CCN6: variants seen among roughly 807,000 people sequenced by gnomAD.
The protein encoded by CCN6 is CCN family member 6.
In CCN6, 31 loss-of-function variants were observed where a neutral mutation model predicts 37.4. The observed-to-expected ratio is 0.83, with a 90% CI of 0.62 to 1.12. The LOEUF (loss-of-function observed/expected upper bound fraction) is 1.12. Ranked by LOEUF, CCN6 falls within the 50% of genes most tolerant of loss-of-function variation. The probability of loss-of-function intolerance (pLI) is 0.00; values close to 1 mark genes in which losing one functional copy is unlikely to be tolerated. For synonymous variants in CCN6, 137 were observed against 142.1 expected, an observed-to-expected ratio of 0.96 and a Z score of 0.26; for missense variants, 369 against 413.8, an observed-to-expected ratio of 0.89 and a Z score of 0.94.
intron 1 of CCN6, among the ~76,000 whole-genome samples, chr6:112,059,001 G>A (rs1425729555): frequency 6.6e-6 from 1 of 152,230 alleles, no homozygotes; most frequent in Non-Finnish European, 1.5e-5. Flanking sequence ...CTAATAAGTT[G>A]TAAGCTTAAG....
Position 112,069,456 on chromosome 6 carries a change from G to A in CCN6, c.901G>A (p.Asp301Asn). ...ACCCACTTTTTGTGGAATATGCTTGGATAAGAGATGCTGTATCCCTAATAA... is the reference window on the plus strand; with the variant it reads ...ACCCACTTTTTGTGGAATATGCTTGAATAAGAGATGCTGTATCCCTAATAA... ...YKPTFCGICL[D>N]KRCCIPNKSK... The change falls in exon 5 of 5, where the codon GAT becomes AAT. Residue 301 changes from aspartate to asparagine, a missense_variant. Transcript: ENST00000368666. 2 of 1,613,716 alleles carry A rather than the reference G, an allele frequency of 1.2e-6. No homozygotes were observed. Among genetic ancestry groups the A allele is most frequent in the Non-Finnish European group, 1.7e-6 (2 of 1,179,862 alleles).
intron 2 of CCN6, 131 bp from the exon 3 acceptor site, chr6:112,064,624 A>C: frequency 7.0e-7 from 1 of 1,424,260 alleles, no homozygotes; most frequent in East Asian, 2.3e-5. Flanking sequence ...GGAGGTTCCA[A>C]ATGGAACCTA....
At chr6:112,053,132 C>G (rs587659581), upstream of CCN6, among the ~76,000 whole-genome samples, 318 of 152,112 alleles carry the variant, frequency 2.1e-3, 2 homozygotes, top group African/African-American at 7.5e-3. Flanking sequence ...AGGGACAAAG[C>G]ACCACGGCAG....
chr6:112,068,442 C>A (rs1554314551), intron 4 of CCN6, 44 bp downstream of exon 4: 1 of 1,526,306 alleles, frequency 6.6e-7, no homozygotes, highest in Non-Finnish European at 8.9e-7. Flanking sequence ...TTAAGAGATT[C>A]CTGAAAAGTA....
intron 1 of CCN6, among the ~76,000 whole-genome samples, chr6:112,055,498 T>C (rs1776320997): frequency 6.6e-6 from 1 of 152,258 alleles, no homozygotes; most frequent in African/African-American, 2.4e-5. Context: ...TTTGCTTTTA[T>C]GAATTCATAA....
chr6:112,059,885 G>T lies in CCN6; in HGVS notation c.49-1106G>T, dbSNP rs1288379837. 2.5e-6 allele frequency: 3 copies of T among 1,208,164 alleles called. No homozygotes were observed. The Admixed American group carries it at 7.7e-5, about 31-fold the overall frequency. The allele number at this position is 1,208,164 out of a possible 1,614,324, so 74.8% of individuals were successfully genotyped here. On this transcript the variant is annotated intron_variant, in intron 1 of 4. Coordinates refer to ENST00000368666, the MANE Select transcript of CCN6 (RefSeq NM_198239.2). ...AGAAAGTAAACAACTGAAATGTGTA[G>T]GTAATAAGAAAGGTGGTAAACTCTA...
intron 2 of CCN6, among the ~76,000 whole-genome samples, chr6:112,064,363 C>T (rs1472602194): frequency 6.6e-6 from 1 of 152,174 alleles, no homozygotes; most frequent in East Asian, 1.9e-4. Flanking sequence ...AGTTAACTAA[C>T]GTATAGTTTC....
upstream of CCN6, among the ~76,000 whole-genome samples, chr6:112,053,860 G>A (rs1776267979): frequency 8.2e-6 from 1 of 121,758 alleles, no homozygotes; most frequent in South Asian, 2.9e-4. Flanking sequence ...GATGGGTGCT[G>A]TTGGTGGGGG....
At chr6:112,056,809 A>C (rs1776362076) in intron 1 of CCN6, among the ~76,000 whole-genome samples, 1 of 151,924 alleles carries the variant, frequency 6.6e-6, no homozygotes, top group South Asian at 2.1e-4. Context: ...TTTCAGCTTC[A>C]TTTTTGAAAG....
chr6:112,059,743 G>T (rs1554312399), intron 1 of CCN6, among the ~76,000 whole-genome samples: 3 of 152,324 alleles, frequency 2.0e-5, no homozygotes, highest in African/African-American at 7.2e-5. Context: ...GCACGCTGTT[G>T]CTATGAAGTT....
In CCN6 at chr6:112,069,560, T is replaced by C; in HGVS notation, c.1005T>C (p.Cys335=). 1 of 1,613,724 alleles carries C rather than the reference T, an allele frequency of 6.2e-7. No homozygotes were observed. The highest frequency in any genetic ancestry group is 8.5e-7 in the Non-Finnish European group (1 of 1,179,816). Reference sequence around the variant, plus strand: ...GGAAGATGCTGTGGATTACATCTTGTGTGTGTCAGAGAAACTGCAGAGAAC... The same window carrying C: ...GGAAGATGCTGTGGATTACATCTTGCGTGTGTCAGAGAAACTGCAGAGAAC... The part of the protein sequence containing the change: ...FKWKMLWITS[C]VCQRNCREPG... Residue 335 remains cysteine, a synonymous_variant, in exon 5 of 5, where the codon TGT becomes TGC. Coordinates refer to ENST00000368666, the MANE Select transcript of CCN6 (RefSeq NM_198239.2).
chr6:112,064,615 G>A, intron 2 of CCN6, 140 bp from the exon 3 acceptor site: 1 of 1,296,808 alleles, frequency 7.7e-7, no homozygotes, highest in Non-Finnish European at 1.1e-6. Context: ...TCCTGTGAAG[G>A]AGGTTCCAAA....
At chr6:112,062,936 T>C (rs1776570014) in intron 2 of CCN6, among the ~76,000 whole-genome samples, 1 of 152,220 alleles carries the variant, frequency 6.6e-6, no homozygotes, top group African/African-American at 2.4e-5. Context: ...ATCATTGATA[T>C]TTGATGGATT....
rs115897919 is a variant in CCN6 at position 112,066,528 on chromosome 6, G to C, written c.589+1531G>C. Among the ~76,000 whole-genome samples, 968 of 152,238 alleles carry C rather than the reference G, an allele frequency of 6.4e-3. 10 individuals are homozygous for C. The highest frequency in any genetic ancestry group is 0.022 in the African/African-American group (913 of 41,544). Reference sequence around the variant, plus strand: ...GTTAGTGTTTTGTCAGGTAAAACAAGAAAATCTCCTGAAGTGTTCTCTGGT... The same window carrying C: ...GTTAGTGTTTTGTCAGGTAAAACAACAAAATCTCCTGAAGTGTTCTCTGGT... On this transcript the variant is annotated intron_variant, in intron 3 of 4. Transcript: ENST00000368666.
At chr6:112,063,533 A>T (rs1422353653) in intron 2 of CCN6, among the ~76,000 whole-genome samples, 1 of 152,226 alleles carries the variant, frequency 6.6e-6, no homozygotes, top group Non-Finnish European at 1.5e-5. Context: ...TCTAAAAAAA[A>T]TCACATTAAT....
chr6:112,065,588 G>GCACA (rs66974002), intron 3 of CCN6, among the ~76,000 whole-genome samples: 6 of 107,630 alleles, frequency 5.6e-5, no homozygotes, highest in African/African-American at 2.1e-4. Flanking sequence ...ACACACACAC[G>GCACA]CACACACACA....
At position 112,054,406 on chromosome 6, in the gene CCN6, G is replaced by A; in HGVS notation, c.48+1G>A. 1 of 1,613,072 alleles carries A rather than the reference G, an allele frequency of 6.2e-7. No individual in the cohort carries two copies. Among genetic ancestry groups the A allele is most frequent in the Non-Finnish European group, 8.5e-7 (1 of 1,179,812 alleles). ...TCTTCTGCTTGCTGGCCTGGCACAG[G>A]TAAGTCCTCTCCCCCGACTCTTTCC... On this transcript the variant is annotated splice_donor_variant, in intron 1 of 4. Coordinates refer to ENST00000368666, the MANE Select transcript of CCN6 (RefSeq NM_198239.2). LOFTEE classifies it high-confidence loss of function.
upstream of CCN6, chr6:112,054,031 G>A (rs1776272697): frequency 3.9e-6 from 2 of 519,366 alleles, no homozygotes; most frequent in Admixed American, 3.0e-5. Context: ...TCCAGGAACA[G>A]GTAACACAGT....
In CCN6 at chr6:112,064,852, G is replaced by A. The variant is rs1554313580; in HGVS notation, c.444G>A (p.Gly148=). The part of the protein sequence containing the change: ...NPLFSCLCVS[G]AIGCTPLFIP... Reference sequence around the variant, plus strand: ...TGTTCAGCTGCCTCTGTGTGAGTGGGGCCATTGGATGCACACCTCTGTTCA... The same window carrying A: ...TGTTCAGCTGCCTCTGTGTGAGTGGAGCCATTGGATGCACACCTCTGTTCA... Residue 148 remains glycine (G), a synonymous_variant, in exon 3 of 5, where the codon GGG becomes GGA. Transcript: ENST00000368666. 1 of 1,614,066 alleles carries A rather than the reference G, an allele frequency of 6.2e-7. No homozygotes were observed. Among genetic ancestry groups the A allele is most frequent in the Admixed American group, 1.7e-5 (1 of 60,008 alleles).
Sources: allele counts gnomAD v4.1 joint callset (sites outside exome capture counted in the v4.1 genomes callset), GRCh38; gene constraint gnomAD v4.1.1; transcripts MANE v1.5; gene names NCBI Gene and HGNC (gene_info 2026-07-23, HGNC 2026-07-21).